Variants in ZNF394 observed in about 807,000 individuals in gnomAD.
The protein encoded by ZNF394 is zinc finger protein 99.
ZNF394 carries 19 observed loss-of-function variants against 21.8 expected under a neutral mutation model. The ratio of observed to expected loss-of-function variants is 0.87; its 90% CI spans 0.61 to 1.28. ZNF394 has a LOEUF of 1.28. Ranked by LOEUF, ZNF394 falls within the 50% of genes most tolerant of loss-of-function variation. The pLI, the probability that ZNF394 is intolerant of heterozygous loss-of-function variation, is 0.00. For missense variants in ZNF394, 683 were observed against 708.6 expected (o/e 0.96, Z 0.41); for synonymous variants, 294 against 273.3 (o/e 1.08, Z -0.75).
intron 2 of ZNF394, among the ~76,000 whole-genome samples, chr7:99,496,208 G>T (rs1292367629): frequency 6.6e-6 from 1 of 151,662 alleles, no homozygotes; most frequent in African/African-American, 2.4e-5. Context: ...AGTAGACGGG[G>T]TTTTACCATG....
chr7:99,498,927 G>C, intron 1 of ZNF394, 85 bp from the exon 2 acceptor site: 1 of 1,484,330 alleles, frequency 6.7e-7, no homozygotes, highest in Non-Finnish European at 9.0e-7. Context: ...CGACAAGGGA[G>C]TTTGGAGAGA....
intron 2 of ZNF394, chr7:99,497,759 A>G (rs1242992757): frequency 6.6e-6 from 1 of 152,100 alleles, no homozygotes; most frequent in African/African-American, 2.4e-5. Flanking sequence ...GCTCCTCGGG[A>G]GACAGAGGCA....
At chr7:99,486,942 T>C (rs1799988286) in exon 2 of ZNF394, 1 of 1,614,182 alleles carries the variant, frequency 6.2e-7, no homozygotes. Flanking sequence ...GGTCAGCTCT[T>C]ACGGTCCATA....
Position 99,493,551 on chromosome 7 carries a change from CCAGCCGA to C in ZNF394, c.1657_1663del (p.Ser553GlyfsTer21). ...GGATTATAGGCGTGAGCCACCACGC[CCAGCCGA>C]CAGCACTTTATTTTGATGAATTCTT... On this transcript the variant is annotated frameshift_variant, in exon 3 of 3. Coordinates refer to ENST00000337673, the MANE Select transcript of ZNF394 (RefSeq NM_032164.4). LOFTEE classifies it high-confidence loss of function. The C allele has an allele frequency of 6.2e-7, 1 of 1,608,846 alleles. No homozygotes were observed.
At chr7:99,487,926 G>T (rs1800058891) in intron 1 of ZNF394, among the ~76,000 whole-genome samples, 1 of 152,114 alleles carries the variant, frequency 6.6e-6, no homozygotes, top group Admixed American at 6.6e-5. Flanking sequence ...CAAAAAATTA[G>T]CCGGGTGTGG....
chr7:99,497,122 G>GTGTGTGTGTATA (rs1322382800), intron 2 of ZNF394, among the ~76,000 whole-genome samples: 26 of 79,440 alleles, frequency 3.3e-4, no homozygotes, highest in African/African-American at 4.4e-4. Context: ...GTGTGTGTGT[G>GTGTGTGTGTATA]TATATATATA....
rs1176434642 is a variant in ZNF394 at position 99,493,526 on chromosome 7, G to C, written c.*3C>G. The C allele has an allele frequency of 3.8e-6, 6 of 1,585,836 alleles. No homozygotes were observed. Among genetic ancestry groups the C allele is most frequent in the Non-Finnish European group, 5.1e-6 (6 of 1,165,308 alleles). On this transcript the variant is annotated 3_prime_UTR_variant, in exon 3 of 3. Transcript: ENST00000337673. ...CCTGCCTTGGCCTCCCAAAGTGCTG[G>C]GATTATAGGCGTGAGCCACCACGCC...
intron 2 of ZNF394, 36 bp from the exon 3 acceptor site, chr7:99,494,667 C>A: frequency 6.5e-7 from 1 of 1,535,458 alleles, no homozygotes. Context: ...GCCAGTGCAT[C>A]CCTGTGCAAC....
Position 99,493,678 on chromosome 7 carries a change from T to A in ZNF394, c.1537A>T (p.Ile513Phe), listed in dbSNP as rs1273107057. ...CCAGTGTGAATTCTCTGGTGTTTAA[T>A]GAGGGTTGCACTCTGATTGAAGCGT... ...GKRFNQSATL[I>F]KHQRIHTGEK... The change falls in exon 3 of 3, where the codon ATT (isoleucine) becomes TTT (phenylalanine). Residue 513 changes from isoleucine (I) to phenylalanine (F), a missense_variant. Ile to Phe is a conservative substitution (Grantham distance 21, BLOSUM62 0). Transcript: ENST00000337673. 6.2e-7 allele frequency: 1 copy of A among 1,614,090 alleles called. No individual in the cohort carries two copies. The highest frequency in any genetic ancestry group is 8.5e-7 in the Non-Finnish European group (1 of 1,180,032).
chr7:99,487,306 G>A, intron 1 of ZNF394: 1 of 1,614,228 alleles, frequency 6.2e-7, no homozygotes, highest in Non-Finnish European at 8.5e-7. Flanking sequence ...CCATACAAAG[G>A]AGGAATTCTT....
downstream of ZNF394, among the ~76,000 whole-genome samples, chr7:99,491,106 C>A (rs931602882): frequency 1.3e-5 from 2 of 152,084 alleles, no homozygotes; most frequent in Admixed American, 1.3e-4. Flanking sequence ...GTCTCCTGAC[C>A]GTGATGGTGG....
chr7:99,497,331 C>T (rs1032745082), intron 2 of ZNF394, among the ~76,000 whole-genome samples: 1 of 150,182 alleles, frequency 6.7e-6, no homozygotes, highest in African/African-American at 2.5e-5. Context: ...CCTGCCACCA[C>T]GCCTGGCTAA....
rs776710806 is a variant in ZNF394, at chr7:99,494,261, C to CT, written c.953dup (p.Gln319AlafsTer17). ...GCCACGTCACCATGTGGAAACTTTGCTTGCACTTGTTCCCGTGTTCCTCAC... is the reference window on the plus strand; with the variant it reads ...GCCACGTCACCATGTGGAAACTTTGCTTTGCACTTGTTCCCGTGTTCCTCAC... On this transcript the variant is annotated frameshift_variant, in exon 3 of 3. Coordinates refer to ENST00000337673, the MANE Select transcript of ZNF394 (RefSeq NM_032164.4). LOFTEE classifies it low-confidence loss of function (END_TRUNC). 2.5e-6 allele frequency: 4 copies of CT among 1,614,266 alleles called. No individual in the cohort carries two copies. In the South Asian group the frequency reaches 4.4e-5, roughly 18 times the overall value.
At chr7:99,495,101 C>T (rs1326524634) in intron 2 of ZNF394, among the ~76,000 whole-genome samples, 1 of 152,036 alleles carries the variant, frequency 6.6e-6, no homozygotes, top group African/African-American at 2.4e-5. Context: ...TCTCGGCTCA[C>T]TGCAACCTCT....
At chr7:99,487,592 G>A in intron 1 of ZNF394, 1 of 1,362,456 alleles carries the variant, frequency 7.3e-7, no homozygotes, top group Non-Finnish European at 9.9e-7. Context: ...GTAACAAAGG[G>A]TTTTTCTATG....
downstream of ZNF394, among the ~76,000 whole-genome samples, chr7:99,490,186 G>A (rs568867072): frequency 1.2e-4 from 15 of 123,612 alleles, no homozygotes; most frequent in Non-Finnish European, 1.9e-4. Flanking sequence ...GGCGAGTCTC[G>A]CTCTGTTTTC....
At chr7:99,497,140 ATG>A (rs200701738) in intron 2 of ZNF394, among the ~76,000 whole-genome samples, 3,587 of 124,126 alleles carry the variant, frequency 0.029, 314 homozygotes, top group African/African-American at 0.11. Flanking sequence ...ATATATATAT[ATG>A]TATATATATA....
chr7:99,489,790 G>T (rs1289497393), downstream of ZNF394, among the ~76,000 whole-genome samples: 1 of 152,128 alleles, frequency 6.6e-6, no homozygotes, highest in Non-Finnish European at 1.5e-5. Context: ...AACAATATAA[G>T]AGATCCATTT....
downstream of ZNF394, among the ~76,000 whole-genome samples, chr7:99,488,687 T>C (rs1584579945): frequency 1.3e-5 from 2 of 151,724 alleles, no homozygotes; most frequent in Admixed American, 1.3e-4. Context: ...CCCAGCACTT[T>C]GGGAGGCCAA....
Sources: gnomAD v4.1 joint callset for allele counts (sites outside exome capture counted in the v4.1 genomes callset) on GRCh38, gnomAD v4.1.1 for gene constraint, MANE v1.5 for transcripts, NCBI Gene and HGNC (gene_info 2026-07-23, HGNC 2026-07-21) for gene names.